Variants in XKR9 observed in about 807,000 individuals in gnomAD.
The protein encoded by XKR9 is XK-related protein 9.
In XKR9, 32 loss-of-function variants were observed where a neutral mutation model predicts 32.0. The observed-to-expected ratio is 1.00, with a 90% CI of 0.76 to 1.34. The LOEUF is 1.34. XKR9 is among the 40% of genes most tolerant of loss of function. The pLI is 0.00. For missense variants in XKR9, 546 were observed against 429.7 expected (o/e 1.27, Z -2.39); for synonymous variants, 168 against 143.4 (o/e 1.17, Z -1.22).
the XKR9 span, among the ~76,000 whole-genome samples, chr8:70,870,500 G>A: frequency 6.6e-6 from 1 of 152,282 alleles, no homozygotes; most frequent in Admixed American, 6.5e-5. Flanking sequence ...GCTTCTTGTT[G>A]TTGTGGTTTG....
intron 2 of XKR9, among the ~76,000 whole-genome samples, chr8:70,788,958 A>G (rs552959137): frequency 6.6e-6 from 1 of 152,080 alleles, no homozygotes; most frequent in Non-Finnish European, 1.5e-5. Context: ...CTGATTGACT[A>G]CTGGACTAAT....
the XKR9 span, among the ~76,000 whole-genome samples, chr8:70,872,647 A>C: frequency 3.3e-5 from 5 of 152,124 alleles, no homozygotes; most frequent in African/African-American, 1.2e-4. Context: ...CTGTCTTGTT[A>C]GGGGCTAATG....
intron 3 of XKR9, among the ~76,000 whole-genome samples, chr8:70,695,747 T>C (rs34737624): frequency 0.4 from 57,807 of 145,412 alleles, 13,169 homozygotes; most frequent in Non-Finnish European, 0.53. Context: ...CCTGAGGAAT[T>C]GCCACACTGA....
chr8:70,672,552 A>G (rs1359468233), intron 1 of XKR9, among the ~76,000 whole-genome samples: 1 of 152,138 alleles, frequency 6.6e-6, no homozygotes, highest in Non-Finnish European at 1.5e-5. Context: ...ATGCAGGTGC[A>G]GTTGTCCCTT....
At chr8:70,966,356 C>T in the XKR9 span, among the ~76,000 whole-genome samples, 6 of 152,116 alleles carry the variant, frequency 3.9e-5, no homozygotes, top group Admixed American at 6.5e-5. Context: ...TCAAGTGATT[C>T]TCATGCCTCA....
chr8:70,687,747 A>G (rs1287020845), intron 3 of XKR9, among the ~76,000 whole-genome samples: 2 of 152,002 alleles, frequency 1.3e-5, no homozygotes, highest in African/African-American at 2.4e-5. Flanking sequence ...TTTTTCAAAT[A>G]TTTGGGTCTT....
At chr8:70,832,362 A>G in the XKR9 span, among the ~76,000 whole-genome samples, 3 of 152,204 alleles carry the variant, frequency 2.0e-5, no homozygotes, top group Non-Finnish European at 4.4e-5. Flanking sequence ...AGAGAAATGG[A>G]AAGTACGTGA....
At chr8:71,041,614 G>A in the XKR9 span, among the ~76,000 whole-genome samples, 2 of 152,168 alleles carry the variant, frequency 1.3e-5, no homozygotes, top group African/African-American at 4.8e-5. Flanking sequence ...TGTGGAGGGA[G>A]GGAACTGGTG....
chr8:70,738,661 T>C (rs1806907746), downstream of XKR9, among the ~76,000 whole-genome samples: 1 of 152,178 alleles, frequency 6.6e-6, no homozygotes, highest in South Asian at 2.1e-4. Flanking sequence ...GAGATTCTGG[T>C]ATGTTGTGTC....
chr8:70,811,101 T>C, the XKR9 span, among the ~76,000 whole-genome samples: 1 of 152,158 alleles, frequency 6.6e-6, no homozygotes, highest in Admixed American at 6.5e-5. Flanking sequence ...TCACAGACCA[T>C]AGTGCAATCA....
the XKR9 span, among the ~76,000 whole-genome samples, chr8:70,937,836 G>A: frequency 6.6e-6 from 1 of 151,978 alleles, no homozygotes; most frequent in Non-Finnish European, 1.5e-5. Flanking sequence ...ATCATTAAAG[G>A]CCTTTCCAGT....
the XKR9 span, among the ~76,000 whole-genome samples, chr8:70,974,310 G>A: frequency 6.6e-6 from 1 of 151,174 alleles, no homozygotes; most frequent in Non-Finnish European, 1.5e-5. Flanking sequence ...TGTTACATAT[G>A]TATACATGTG....
At chr8:71,033,937 T>C in the XKR9 span, among the ~76,000 whole-genome samples, 290 of 152,316 alleles carry the variant, frequency 1.9e-3, 2 homozygotes, top group African/African-American at 6.6e-3. Context: ...AGGTTGTATT[T>C]TCCAAAGAAG....
the XKR9 span, among the ~76,000 whole-genome samples, chr8:70,863,755 G>C: frequency 6.6e-6 from 1 of 152,184 alleles, no homozygotes; most frequent in Non-Finnish European, 1.5e-5. Flanking sequence ...TGGAGGTAGA[G>C]AGAAACAAAT....
the XKR9 span, among the ~76,000 whole-genome samples, chr8:71,018,797 C>G: frequency 1.4e-3 from 217 of 152,244 alleles, 1 homozygote; most frequent in African/African-American, 5.0e-3. Context: ...AAATATAATA[C>G]AAACTAGCCT....
the XKR9 span, among the ~76,000 whole-genome samples, chr8:70,893,804 AGCAGCAATAACAGT>A: frequency 6.6e-6 from 1 of 152,148 alleles, no homozygotes; most frequent in Non-Finnish European, 1.5e-5. Flanking sequence ...ATGGCCTACA[AGCAGCAATAACAGT>A]GCAGTTTCCA....
the XKR9 span, among the ~76,000 whole-genome samples, chr8:70,927,534 C>T: frequency 1.3e-5 from 2 of 152,152 alleles, no homozygotes. Flanking sequence ...TTTGCTTTCT[C>T]TTTCCAAGAT....
At chr8:70,855,534 C>A in the XKR9 span, among the ~76,000 whole-genome samples, 11 of 152,250 alleles carry the variant, frequency 7.2e-5, no homozygotes, top group African/African-American at 2.4e-4. Context: ...GAGAATGGAA[C>A]GAAGTTGCAA....
At chr8:70,794,770 G>T (rs372845744), downstream of XKR9, among the ~76,000 whole-genome samples, 2 of 149,960 alleles carry the variant, frequency 1.3e-5, no homozygotes, top group African/African-American at 4.9e-5. Context: ...CTAGTATTTT[G>T]TTAAGGATTT....
Sources: allele counts gnomAD v4.1 joint callset (sites outside exome capture counted in the v4.1 genomes callset), GRCh38; gene constraint gnomAD v4.1.1; transcripts MANE v1.5; gene names NCBI Gene and HGNC (gene_info 2026-07-23, HGNC 2026-07-21).